The following KCNMB2 variants were observed in gnomAD, a reference collection of about 807,000 sequenced individuals.
KCNMB2 encodes the protein potassium calcium-activated channel subfamily M regulatory beta subunit 2.
A neutral mutation model predicts 24.5 loss-of-function variants in KCNMB2; 9 were observed. The observed-to-expected ratio is 0.37, with a 90% confidence interval of 0.22 to 0.64. The LOEUF is 0.64. Ranked by LOEUF, KCNMB2 falls within the 30% of genes least tolerant of loss-of-function variation. KCNMB2 has a pLI of 0.63. For missense variants in KCNMB2, 226 were observed against 284.3 expected, an observed-to-expected ratio of 0.79 and a Z score of 1.47; for synonymous variants, 109 against 104.4, an observed-to-expected ratio of 1.04 and a Z score of -0.27.
intron 1 of KCNMB2, among the ~76,000 whole-genome samples, chr3:178,717,794 G>A (rs567750750): frequency 1.3e-3 from 201 of 152,100 alleles, no homozygotes; most frequent in Non-Finnish European, 2.4e-3. Flanking sequence ...AGACAGCCTC[G>A]GGATAACCTG....
intron 1 of KCNMB2, among the ~76,000 whole-genome samples, chr3:178,565,956 A>G (rs765486338): frequency 9.2e-5 from 14 of 152,230 alleles, no homozygotes; most frequent in Non-Finnish European, 2.1e-4. Context: ...AAATATGTCC[A>G]AAGTTCCAAG....
intron 1 of KCNMB2, among the ~76,000 whole-genome samples, chr3:178,760,876 A>G (rs544603267): frequency 2.0e-4 from 31 of 151,514 alleles, no homozygotes; most frequent in South Asian, 1.7e-3. Flanking sequence ...ATTATAGAAG[A>G]TATTTAGGGT....
chr3:178,697,656 G>A (rs973056923), intron 1 of KCNMB2, among the ~76,000 whole-genome samples: 2 of 152,108 alleles, frequency 1.3e-5, no homozygotes, highest in African/African-American at 4.8e-5. Context: ...CATGTTAGCT[G>A]GTTATTTTGC....
intron 1 of KCNMB2, among the ~76,000 whole-genome samples, chr3:178,744,143 T>G (rs1363649739): frequency 6.6e-6 from 1 of 152,214 alleles, no homozygotes; most frequent in Non-Finnish European, 1.5e-5. Context: ...CACATAATAT[T>G]GTAAGTTAAT....
chr3:178,753,589 AG>A (rs1410294791), intron 1 of KCNMB2, among the ~76,000 whole-genome samples: 1 of 152,190 alleles, frequency 6.6e-6, no homozygotes, highest in African/African-American at 2.4e-5. Context: ...ATCAAAAAAA[AG>A]AGTTTCTCTT....
intron 1 of KCNMB2, among the ~76,000 whole-genome samples, chr3:178,615,180 C>G (rs558293652): frequency 6.6e-6 from 1 of 152,212 alleles, no homozygotes; most frequent in East Asian, 1.9e-4. Context: ...GACACACACA[C>G]CCCTGTGGGC....
intron 1 of KCNMB2, among the ~76,000 whole-genome samples, chr3:178,780,406 C>T (rs1241746325): frequency 6.6e-6 from 1 of 152,190 alleles, no homozygotes; most frequent in African/African-American, 2.4e-5. Flanking sequence ...CCATGCCTCC[C>T]AGTTGAGACT....
intron 1 of KCNMB2, among the ~76,000 whole-genome samples, chr3:178,785,804 T>C (rs1410434055): frequency 2.0e-5 from 3 of 152,118 alleles, no homozygotes; most frequent in African/African-American, 7.2e-5. Context: ...TTAGGATATA[T>C]AAAAAAGCAT....
rs111869909 is a variant in KCNMB2, at chr3:178,730,158, G to T, written c.-67-77185G>T. The stretch of plus-strand genomic sequence containing the variant: ...AATTCTACCACGTTCCAAGAAGTTA[G>T]AGATTCAAAATATTGGTGAATGACC... On this transcript the variant is annotated intron_variant, in intron 1 of 4. Transcript: ENST00000452583. 3.6e-3 allele frequency among the ~76,000 whole-genome samples: 544 copies of T among 152,274 alleles called. 4 individuals are homozygous for T. Among genetic ancestry groups the T allele is most frequent in the African/African-American group, 0.012 (518 of 41,560 alleles).
intron 1 of KCNMB2, among the ~76,000 whole-genome samples, chr3:178,563,665 G>C (rs1292601474): frequency 6.6e-6 from 1 of 152,180 alleles, no homozygotes; most frequent in Non-Finnish European, 1.5e-5. Context: ...GAAAAATGAA[G>C]TATGGGGAAG....
chr3:178,642,763 T>C (rs150553400), intron 1 of KCNMB2, among the ~76,000 whole-genome samples: 30 of 152,356 alleles, frequency 2.0e-4, no homozygotes, highest in African/African-American at 7.2e-4. Context: ...TTTGGCCTGA[T>C]CATGGCAGCA....
At chr3:178,708,508 C>A (rs886562528) in intron 1 of KCNMB2, among the ~76,000 whole-genome samples, 1 of 152,210 alleles carries the variant, frequency 6.6e-6, no homozygotes, top group Admixed American at 6.5e-5. Context: ...CAAAGCTATA[C>A]AGGTAGTCTG....
intron 1 of KCNMB2, among the ~76,000 whole-genome samples, chr3:178,752,755 G>A (rs1196819517): frequency 6.6e-6 from 1 of 152,148 alleles, no homozygotes; most frequent in Non-Finnish European, 1.5e-5. Context: ...GCAGGATTTA[G>A]CCACCAACTG....
intron 1 of KCNMB2, among the ~76,000 whole-genome samples, chr3:178,755,040 A>T (rs1408282909): frequency 1.3e-5 from 2 of 152,230 alleles, no homozygotes; most frequent in Non-Finnish European, 2.9e-5. Context: ...TGGCAGGCAC[A>T]CATTAGGCTC....
chr3:178,789,717 T>C (rs1011813763), intron 1 of KCNMB2, among the ~76,000 whole-genome samples: 2 of 151,876 alleles, frequency 1.3e-5, no homozygotes, highest in African/African-American at 4.8e-5. Flanking sequence ...AGACAAGCCC[T>C]AGCCAGAGAA....
intron 1 of KCNMB2, among the ~76,000 whole-genome samples, chr3:178,566,067 C>T (rs542464047): frequency 6.6e-6 from 1 of 152,204 alleles, no homozygotes; most frequent in South Asian, 2.1e-4. Context: ...ACTGAAGCAC[C>T]CAAAGATGGT....
chr3:178,710,814 A>C (rs1722428044), intron 1 of KCNMB2, among the ~76,000 whole-genome samples: 1 of 152,128 alleles, frequency 6.6e-6, no homozygotes, highest in Admixed American at 6.5e-5. Flanking sequence ...TCCTTATAGT[A>C]TTGATATTTT....
intron 1 of KCNMB2, among the ~76,000 whole-genome samples, chr3:178,696,752 C>CT (rs1478653270): frequency 6.6e-6 from 1 of 152,068 alleles, no homozygotes; most frequent in Non-Finnish European, 1.5e-5. Context: ...ATAAATTTCC[C>CT]TTTTAACATC....
chr3:178,629,051 A>G (rs2108535549), intron 1 of KCNMB2, among the ~76,000 whole-genome samples: 1 of 152,270 alleles, frequency 6.6e-6, no homozygotes, highest in African/African-American at 2.4e-5. Context: ...ATTTTCATTC[A>G]GACCTCTCCT....
Sources: allele counts gnomAD v4.1 joint callset (sites outside exome capture counted in the v4.1 genomes callset), GRCh38; gene constraint gnomAD v4.1.1; transcripts MANE v1.5; gene names NCBI Gene and HGNC (gene_info 2026-07-23, HGNC 2026-07-21).